CACNA1A: variants seen among roughly 807,000 people sequenced by gnomAD.
The protein encoded by CACNA1A is calcium voltage-gated channel subunit alpha1 A, also known as voltage-dependent P/Q-type calcium channel subunit alpha-1A.
Under a neutral mutation model 262.4 loss-of-function variants are expected in CACNA1A, and 57 were observed. That is an observed-to-expected ratio of 0.22 (90% confidence interval 0.18 to 0.27). CACNA1A has a LOEUF of 0.27. CACNA1A is among the 10% of genes least tolerant of loss of function. The pLI is 1.00. For synonymous variants in CACNA1A, 1,431 were observed against 1,419.3 expected (o/e 1.01, Z -0.18); for missense variants, 2,526 against 3,562.8 (o/e 0.71, Z 7.41).
intron 3 of CACNA1A, among the ~76,000 whole-genome samples, chr19:13,444,739 CTTATTCTAG>C (rs2060779694): frequency 6.6e-6 from 1 of 152,164 alleles, no homozygotes; most frequent in African/African-American, 2.4e-5. Context: ...AAGACACCTT[CTTATTCTAG>C]ATCTCTTGCC....
intron 1 of CACNA1A, among the ~76,000 whole-genome samples, chr19:13,462,814 C>G (rs1178236011): frequency 1.3e-5 from 2 of 152,132 alleles, no homozygotes; most frequent in Admixed American, 6.5e-5. Context: ...GGGTGAAATA[C>G]AGTGGCACGA....
At chr19:13,263,586 C>T (rs2056791634) in intron 24 of CACNA1A, 1 of 152,204 alleles carries the variant, frequency 6.6e-6, no homozygotes, top group Admixed American at 6.6e-5. Context: ...ATGGTATGAT[C>T]TTGGCTCACT....
intron 1 of CACNA1A, 127 bp downstream of exon 1, chr19:13,505,805 G>T: frequency 1.1e-6 from 1 of 914,850 alleles, no homozygotes; most frequent in Non-Finnish European, 1.7e-6. Context: ...CCCTCTCCCA[G>T]CCCCTGGAAG....
rs563081580 is a variant in CACNA1A at position 13,492,616 on chromosome 19, A to G, written c.293+13316T>C. 1.3e-3 allele frequency among the ~76,000 whole-genome samples: 192 copies of G among 152,216 alleles called. 1 individual carries two copies. Among genetic ancestry groups the G allele is most frequent in the African/African-American group, 4.1e-3 (169 of 41,542 alleles). On this transcript the variant is annotated intron_variant, in intron 1 of 46. Coordinates refer to ENST00000360228, the MANE Select transcript of CACNA1A (RefSeq NM_001127222.2). Reference sequence around the variant, plus strand: ...CAGTGTGATCAGTGTTGGTGGAAAAACGGCTGGTCTCAAAACAAATATACA... The same window carrying G: ...CAGTGTGATCAGTGTTGGTGGAAAAGCGGCTGGTCTCAAAACAAATATACA...
At chr19:13,406,487 A>ATG (rs2060009680) in intron 3 of CACNA1A, among the ~76,000 whole-genome samples, 1 of 100,136 alleles carries the variant, frequency 1.0e-5, no homozygotes, top group Non-Finnish European at 1.9e-5. Flanking sequence ...ATATATATAT[A>ATG]TATATATATA....
intron 1 of CACNA1A, among the ~76,000 whole-genome samples, chr19:13,483,238 G>A (rs1746441521): frequency 6.6e-6 from 1 of 152,086 alleles, no homozygotes; most frequent in Non-Finnish European, 1.5e-5. Flanking sequence ...GGAAAGAGCC[G>A]GGTCCTGAAA....
chr19:13,474,832 G>A (rs1045419751), intron 1 of CACNA1A, among the ~76,000 whole-genome samples: 1 of 145,784 alleles, frequency 6.9e-6, no homozygotes, highest in Non-Finnish European at 1.5e-5. Context: ...AAAAAAAAAT[G>A]CAATGAGTTA....
At chr19:13,444,046 A>G (rs2060769355) in intron 3 of CACNA1A, among the ~76,000 whole-genome samples, 1 of 152,248 alleles carries the variant, frequency 6.6e-6, no homozygotes. Context: ...TGGTGTTGTT[A>G]GAAGATGGAA....
chr19:13,330,275 A>G lies in CACNA1A; in HGVS notation c.1314T>C (p.Ala438=). 1 of 1,561,756 alleles carries G rather than the reference A, an allele frequency of 6.4e-7. No individual in the cohort carries two copies. The highest frequency in any genetic ancestry group is 8.7e-7 in the Non-Finnish European group (1 of 1,152,048). The change falls in exon 10 of 47, where the codon GCT becomes GCC. Residue 438 remains alanine, a synonymous_variant. Coordinates refer to ENST00000360228, the MANE Select transcript of CACNA1A (RefSeq NM_001127222.2). ...SKTDLLNPEE[A]EDQLADIASV... ...AGGCTATATCAGCCAGCTGATCCTC[A>G]GCCTCTTCGGGGTTGAGCAAATCTG...
At chr19:13,258,914 T>A (rs999411868) in intron 27 of CACNA1A, 1 of 152,064 alleles carries the variant, frequency 6.6e-6, no homozygotes, top group Non-Finnish European at 1.5e-5. Flanking sequence ...AAGTCCATGA[T>A]GAACAAATAT....
At chr19:13,460,379 C>T (rs1033128632) in intron 1 of CACNA1A, among the ~76,000 whole-genome samples, 7 of 152,164 alleles carry the variant, frequency 4.6e-5, no homozygotes, top group South Asian at 2.1e-4. Flanking sequence ...TTCTCCTCCA[C>T]GTTCTGACCC....
intron 24 of CACNA1A, among the ~76,000 whole-genome samples, chr19:13,263,675 C>G (rs2056793984): frequency 6.6e-6 from 1 of 152,084 alleles, no homozygotes; most frequent in Non-Finnish European, 1.5e-5. Flanking sequence ...TGCGTGCCAC[C>G]ATGCCCAGCT....
chr19:13,243,219 C>A (rs2056128308), intron 31 of CACNA1A, among the ~76,000 whole-genome samples: 1 of 152,146 alleles, frequency 6.6e-6, no homozygotes, highest in Admixed American at 6.5e-5. Flanking sequence ...GTGGAGAGAG[C>A]CCCCATGTGG....
chr19:13,486,681 C>T (rs1185523437), intron 1 of CACNA1A, among the ~76,000 whole-genome samples: 1 of 86,048 alleles, frequency 1.2e-5, no homozygotes, highest in Non-Finnish European at 2.2e-5. Flanking sequence ...AATATTCTCT[C>T]TCTTCTTTCT....
At chr19:13,495,751 A>G (rs957786351) in intron 1 of CACNA1A, among the ~76,000 whole-genome samples, 1 of 151,592 alleles carries the variant, frequency 6.6e-6, no homozygotes, top group Non-Finnish European at 1.5e-5. Flanking sequence ...CCACCCATCC[A>G]CCCACCCATT....
chr19:13,332,121 A>G (rs1284923687), intron 9 of CACNA1A, among the ~76,000 whole-genome samples: 1 of 151,536 alleles, frequency 6.6e-6, no homozygotes, highest in Non-Finnish European at 1.5e-5. Context: ...TCAGGTTTCC[A>G]GGGGACCATG....
chr19:13,255,974 C>T (rs112465522), intron 28 of CACNA1A, among the ~76,000 whole-genome samples: 4,588 of 137,800 alleles, frequency 0.033, 198 homozygotes, highest in African/African-American at 0.092. Context: ...CCTTCCTTCC[C>T]TCCCTCCCTC....
At chr19:13,332,449 T>C (rs1253593541) in intron 9 of CACNA1A, among the ~76,000 whole-genome samples, 1 of 151,802 alleles carries the variant, frequency 6.6e-6, no homozygotes, top group African/African-American at 2.4e-5. Flanking sequence ...TCTCGTTAAG[T>C]TTCTAACATG....
intron 1 of CACNA1A, among the ~76,000 whole-genome samples, chr19:13,463,437 G>GCCTAAGACT (rs1365731608): frequency 2.6e-5 from 4 of 152,156 alleles, no homozygotes; most frequent in Non-Finnish European, 5.9e-5. Context: ...TCGCTGATCA[G>GCCTAAGACT]CCTAAGACTC....
Sources: gnomAD v4.1 joint callset for allele counts (sites outside exome capture counted in the v4.1 genomes callset) on GRCh38, gnomAD v4.1.1 for gene constraint, MANE v1.5 for transcripts, NCBI Gene and HGNC (gene_info 2026-07-23, HGNC 2026-07-21) for gene names.